Variants in EIF3D observed in about 807,000 individuals in gnomAD.
EIF3D encodes the protein eukaryotic translation initiation factor 3 subunit D.
In EIF3D, 10 loss-of-function variants were observed where a neutral mutation model predicts 75.4. That is an observed-to-expected ratio of 0.13 (90% confidence interval 0.08 to 0.22). EIF3D has a LOEUF of 0.22. EIF3D is among the 10% of genes least tolerant of loss of function. The pLI is 1.00. For missense variants in EIF3D, 394 were observed against 708.0 expected (o/e 0.56, Z 5.03); for synonymous variants, 246 against 248.3 (o/e 0.99, Z 0.09).
At position 36,511,590 on chromosome 22, in the gene EIF3D, C is replaced by A. The variant is rs1198513189; in HGVS notation, c.1546G>T (p.Val516Phe). 6.2e-7 allele frequency: 1 copy of A among 1,613,970 alleles called. No homozygotes were observed. Reference protein sequence around the residue: ...YLILKDPNKQVIRVYSLPDGT... With the variant: ...YLILKDPNKQFIRVYSLPDGT... The stretch of plus-strand genomic sequence containing the variant: ...TCAGGGAGGCTGTAGACACGGATGA[C>A]CTGCTTGTTGGGGTCCTTGAGGATG... Residue 516 changes from valine (V) to phenylalanine (F), a missense_variant, in exon 14 of 15, where the codon GTC becomes TTC. Coordinates refer to ENST00000216190, the MANE Select transcript of EIF3D (RefSeq NM_003753.4).
intron 10 of EIF3D, 56 bp from the exon 11 acceptor site, chr22:36,516,846 C>A: frequency 2.0e-6 from 3 of 1,516,116 alleles, no homozygotes; most frequent in Non-Finnish European, 2.7e-6. Flanking sequence ...AGGCCAAGGC[C>A]AATCAGTCAG....
intron 3 of EIF3D, among the ~76,000 whole-genome samples, chr22:36,525,345 G>C (rs1157930619): frequency 2.0e-5 from 3 of 147,662 alleles, no homozygotes; most frequent in Non-Finnish European, 3.0e-5. Context: ...CTGGGTTCAA[G>C]TGATTGTCCT....
rs750917474 is a variant in EIF3D, at chr22:36,513,636, T to C, written c.1207-1034A>G. ...CTTTTATTTAGTTAGGGTCAAACCATGTATTAGTATTCTGACAAGATGTCT... is the reference window on the plus strand; with the variant it reads ...CTTTTATTTAGTTAGGGTCAAACCACGTATTAGTATTCTGACAAGATGTCT... On this transcript the variant is annotated intron_variant, in intron 12 of 14. Coordinates refer to ENST00000216190, the MANE Select transcript of EIF3D (RefSeq NM_003753.4). Among the ~76,000 whole-genome samples the C allele has an allele frequency of 5.2e-4, 79 of 152,130 alleles. 1 individual carries two copies. Among genetic ancestry groups the C allele is most frequent in the Non-Finnish European group, 2.8e-4 (19 of 68,008 alleles).
At position 36,512,381 on chromosome 22, in the gene EIF3D, G is replaced by A. The variant is rs987858360; in HGVS notation, c.1349+79C>T. On this transcript the variant is annotated intron_variant, in intron 13 of 14. Coordinates refer to ENST00000216190, the MANE Select transcript of EIF3D (RefSeq NM_003753.4). ...TCTGCCAGTCAATTGTCCAGTACACGGGGAGGGGAGGGTCAACCTCCCTAC... is the reference window on the plus strand; with the variant it reads ...TCTGCCAGTCAATTGTCCAGTACACAGGGAGGGGAGGGTCAACCTCCCTAC... The A allele has an allele frequency of 1.5e-5, 23 of 1,566,264 alleles. No homozygotes were observed. In the East Asian group the frequency reaches 2.7e-4, roughly 18 times the overall value.
intron 4 of EIF3D, 97 bp from the exon 5 acceptor site, chr22:36,524,077 C>A: frequency 1.6e-6 from 2 of 1,212,910 alleles, no homozygotes; most frequent in Non-Finnish European, 2.4e-6. Flanking sequence ...TTTAGGATGC[C>A]AAATCCCAAG....
At chr22:36,516,273 A>G in intron 12 of EIF3D, 2 of 568,434 alleles carry the variant, frequency 3.5e-6, no homozygotes, top group East Asian at 2.9e-5. Flanking sequence ...AACACTTAAC[A>G]TAGTTCTACA....
intron 9 of EIF3D, among the ~76,000 whole-genome samples, chr22:36,518,325 C>A (rs574160901): frequency 6.6e-6 from 1 of 151,860 alleles, no homozygotes; most frequent in Non-Finnish European, 1.5e-5. Context: ...ACCGTCTCTA[C>A]TAAAAATATA....
chr22:36,519,645 A>G (rs1934481779), intron 7 of EIF3D, 108 bp from the exon 8 acceptor site: 1 of 1,486,852 alleles, frequency 6.7e-7, no homozygotes, highest in South Asian at 1.3e-5. Flanking sequence ...AAGAGGTGGA[A>G]AGCAATCTCT....
At chr22:36,521,776 A>G (rs951383466) in intron 6 of EIF3D, among the ~76,000 whole-genome samples, 6 of 150,564 alleles carry the variant, frequency 4.0e-5, no homozygotes, top group African/African-American at 9.9e-5. Context: ...AACATATGAA[A>G]AAAAAAAAAA....
At chr22:36,520,150 C>G (rs957823343) in intron 7 of EIF3D, among the ~76,000 whole-genome samples, 2 of 149,742 alleles carry the variant, frequency 1.3e-5, no homozygotes, top group African/African-American at 5.0e-5. Flanking sequence ...TGCTTTTCCC[C>G]TTGGTCTTGA....
intron 12 of EIF3D, among the ~76,000 whole-genome samples, chr22:36,513,388 C>T (rs945229271): frequency 3.3e-5 from 5 of 151,984 alleles, no homozygotes; most frequent in Admixed American, 6.6e-5. Flanking sequence ...CTGCAACCTC[C>T]GCCTCCCGGG....
intron 14 of EIF3D, 126 bp downstream of exon 14, chr22:36,511,377 C>T (rs1163491196): frequency 6.6e-7 from 1 of 1,516,452 alleles, no homozygotes. Context: ...GTGAATGCTT[C>T]TTCATACTTA....
In EIF3D at chr22:36,519,398, C is replaced by T. The variant is rs7287906; in HGVS notation, c.711+7G>A. On this transcript the variant is annotated splice_region_variant and intron_variant, in intron 8 of 14. Coordinates refer to ENST00000216190, the MANE Select transcript of EIF3D (RefSeq NM_003753.4). ...CAAGGGGGAGAGGGGCAGAAGGAGG[C>T]GCACACCTTGCGGATGACAGGGTCG... 7,408 of 1,614,004 alleles carry T rather than the reference C, an allele frequency of 4.6e-3. 312 individuals carry two copies. In the African/African-American group the frequency reaches 0.089, roughly 19 times the overall value.
intron 10 of EIF3D, among the ~76,000 whole-genome samples, 165 bp downstream of exon 10, chr22:36,517,136 G>C (rs1934439541): frequency 6.6e-6 from 1 of 152,172 alleles, no homozygotes; most frequent in African/African-American, 2.4e-5. Context: ...TTCAAAGTCA[G>C]AGAGCCTAAC....
At position 36,510,989 on chromosome 22, in the gene EIF3D, A is replaced by C; in HGVS notation, c.1645T>G (p.Ter549GluextTer26). Reference sequence around the variant, plus strand: ...AACTCCAGCTCCACATCACTGGTTTAAGTTTCTTCCTCTGAAAGACACAAA... The same window carrying C: ...AACTCCAGCTCCACATCACTGGTTTCAGTTTCTTCCTCTGAAAGACACAAA... ...EEEEEEEEET[*>E] is the part of the protein sequence containing the mutation. The change falls in exon 15 of 15, where the codon TAA becomes GAA. Residue 549 changes from the stop codon to glutamate (E), a stop_lost. Transcript: ENST00000216190. 6.2e-7 allele frequency: 1 copy of C among 1,608,532 alleles called. No individual in the cohort carries two copies. The highest frequency in any genetic ancestry group is 8.5e-7 in the Non-Finnish European group (1 of 1,178,320).
At chr22:36,528,930 A>G (rs930378823) in intron 1 of EIF3D, 146 bp downstream of exon 1, 1 of 204,954 alleles carries the variant, frequency 4.9e-6, no homozygotes, top group Non-Finnish European at 9.7e-6. Context: ...GGGGCCCCCG[A>G]AAGTGGATTC....
chr22:36,518,756 T>G lies in EIF3D; in HGVS notation c.859+7A>C, dbSNP rs1435848103. 2 of 1,613,914 alleles carry G rather than the reference T, an allele frequency of 1.2e-6. No individual in the cohort carries two copies. The highest frequency in any genetic ancestry group is 8.5e-7 in the Non-Finnish European group (1 of 1,180,038). ...CCTTTGAGTTGCTCCCCAGGCACGC[T>G]TCTTACCAAAGTCAGAGTTGTCTCT... On this transcript the variant is annotated splice_region_variant and intron_variant, in intron 9 of 14. Transcript: ENST00000216190.
At chr22:36,525,217 G>A (rs1934576863) in intron 3 of EIF3D, among the ~76,000 whole-genome samples, 1 of 150,036 alleles carries the variant, frequency 6.7e-6, no homozygotes, top group Admixed American at 6.7e-5. Flanking sequence ...ATGGTACCAG[G>A]ATCTTAAAAC....
chr22:36,512,049 C>A (rs951298644), intron 13 of EIF3D, among the ~76,000 whole-genome samples: 1 of 152,086 alleles, frequency 6.6e-6, no homozygotes, highest in Non-Finnish European at 1.5e-5. Context: ...CGCCACTACG[C>A]CCGGCTAATT....
Sources: gnomAD v4.1 joint callset for allele counts (sites outside exome capture counted in the v4.1 genomes callset) on GRCh38, gnomAD v4.1.1 for gene constraint, MANE v1.5 for transcripts, NCBI Gene and HGNC (gene_info 2026-07-23, HGNC 2026-07-21) for gene names.